GRM5: variants seen among roughly 807,000 people sequenced by gnomAD.
GRM5 encodes glutamate metabotropic receptor 5, also known as metabotropic glutamate receptor 5.
In GRM5, 19 loss-of-function variants were observed where a neutral mutation model predicts 83.1. The observed-to-expected ratio is 0.23, with a 90% CI of 0.16 to 0.34. The LOEUF (loss-of-function observed/expected upper bound fraction) is 0.34. Among genes scored for constraint, GRM5 ranks in the 10% least tolerant of loss-of-function variants. The pLI is 1.00. For synonymous variants in GRM5, 675 were observed against 633.6 expected (o/e 1.07, Z -0.98); for missense variants, 1,160 against 1,588.3 (o/e 0.73, Z 4.58).
In GRM5 at chr11:88,567,667, G is replaced by T; in HGVS notation, c.2016C>A (p.Ile672=). The change falls in exon 8 of 10, where the codon ATC becomes ATA. Residue 672 remains isoleucine, a synonymous_variant. Transcript: ENST00000305447. This position sits in a 1 kb window ranked among gnomAD's most constrained non-coding sequence, Gnocchi z 7.3. ...AGATCTTCTTCTTGCTGCCAGCCAG[G>T]ATCCTTGCAATACGGTTGGTCTTTG... The part of the protein sequence containing the change: ...LVTKTNRIAR[I]LAGSKKKICT... 6.2e-7 allele frequency: 1 copy of T among 1,614,112 alleles called. No individual in the cohort carries two copies. The highest frequency in any genetic ancestry group is 8.5e-7 in the Non-Finnish European group (1 of 1,179,978).
chr11:88,772,341 T>C (rs1401961997), intron 3 of GRM5, among the ~76,000 whole-genome samples: 1 of 152,148 alleles, frequency 6.6e-6, no homozygotes, highest in Non-Finnish European at 1.5e-5. Flanking sequence ...CTTTGCCTCA[T>C]TGCAGACTTG....
At chr11:89,014,573 A>C (rs1266210253) in intron 2 of GRM5, among the ~76,000 whole-genome samples, 2 of 152,162 alleles carry the variant, frequency 1.3e-5, no homozygotes, top group African/African-American at 4.8e-5. Flanking sequence ...AATGGGTACA[A>C]AAACAAAATA....
chr11:88,912,274 A>G (rs1435242584), intron 2 of GRM5, among the ~76,000 whole-genome samples: 4 of 151,994 alleles, frequency 2.6e-5, no homozygotes, highest in African/African-American at 9.7e-5. Context: ...ACATTTTTCA[A>G]TTTACTGCCA....
At chr11:88,981,816 C>A (rs1239651297) in intron 2 of GRM5, among the ~76,000 whole-genome samples, 1 of 152,074 alleles carries the variant, frequency 6.6e-6, no homozygotes, top group East Asian at 1.9e-4. Context: ...AGAATAAGTC[C>A]TTATATCACA....
chr11:88,931,135 A>C (rs1937692441), intron 2 of GRM5, among the ~76,000 whole-genome samples: 1 of 151,992 alleles, frequency 6.6e-6, no homozygotes, highest in Non-Finnish European at 1.5e-5. Context: ...TTCAAATGAA[A>C]AGCTTAAAAC....
At chr11:88,616,493 A>AG (rs1157813632) in intron 4 of GRM5, among the ~76,000 whole-genome samples, 1 of 149,882 alleles carries the variant, frequency 6.7e-6, no homozygotes, top group Non-Finnish European at 1.5e-5. Context: ...CAGTGGAAAA[A>AG]GGGGGAAACA....
chr11:88,907,463 C>T (rs1945425079), intron 2 of GRM5, among the ~76,000 whole-genome samples: 1 of 152,166 alleles, frequency 6.6e-6, no homozygotes, highest in Admixed American at 6.6e-5. Flanking sequence ...GAAAATAGAA[C>T]AAAATGCTAT....
chr11:88,938,223 A>G (rs1319749852), intron 2 of GRM5, among the ~76,000 whole-genome samples: 1 of 151,754 alleles, frequency 6.6e-6, no homozygotes, highest in African/African-American at 2.4e-5. Flanking sequence ...GGAACCAAAT[A>G]TTTATAATGA....
At chr11:88,928,986 AG>A (rs1455792381) in intron 2 of GRM5, among the ~76,000 whole-genome samples, 1 of 151,632 alleles carries the variant, frequency 6.6e-6, no homozygotes, top group East Asian at 1.9e-4. Context: ...GCTGAATATG[AG>A]ATTTAGTTTT....
intron 3 of GRM5, among the ~76,000 whole-genome samples, chr11:88,796,889 CACACACACACGTGTGTGTGT>C (rs972909508): frequency 2.6e-5 from 3 of 114,086 alleles, no homozygotes; most frequent in African/African-American, 9.0e-5. Context: ...GGAAAGTACA[CACACACACACGTGTGTGTGT>C]GTGTGTGTGT....
intron 2 of GRM5, among the ~76,000 whole-genome samples, chr11:88,936,155 ACAG>A (rs1937885738): frequency 6.6e-6 from 1 of 151,880 alleles, no homozygotes; most frequent in African/African-American, 2.4e-5. Flanking sequence ...GTCTCAGCCA[ACAG>A]CAGCTATGTG....
At chr11:88,786,561 A>G (rs536875657) in intron 3 of GRM5, among the ~76,000 whole-genome samples, 74 of 152,198 alleles carry the variant, frequency 4.9e-4, no homozygotes, top group African/African-American at 1.7e-3. Context: ...AACATGTTCT[A>G]CTTCTGAGCT....
intron 2 of GRM5, among the ~76,000 whole-genome samples, chr11:88,939,213 A>G (rs1170341642): frequency 6.6e-6 from 1 of 151,802 alleles, no homozygotes; most frequent in African/African-American, 2.4e-5. Context: ...AAATTTCACC[A>G]CTGAAGGCCT....
intron 3 of GRM5, among the ~76,000 whole-genome samples, chr11:88,815,090 T>G (rs1345459505): frequency 6.6e-6 from 1 of 152,152 alleles, no homozygotes; most frequent in Non-Finnish European, 1.5e-5. Context: ...TAACTGAAAT[T>G]TATAGAATAT....
At chr11:88,639,888 T>G (rs979662531) in intron 4 of GRM5, among the ~76,000 whole-genome samples, 1 of 152,154 alleles carries the variant, frequency 6.6e-6, no homozygotes, top group African/African-American at 2.4e-5. Flanking sequence ...AGGGCTTTCT[T>G]CTGGGATCTC....
chr11:88,626,412 T>C (rs932670434), intron 4 of GRM5, among the ~76,000 whole-genome samples: 13 of 152,232 alleles, frequency 8.5e-5, no homozygotes, highest in African/African-American at 2.9e-4. Context: ...ACCTCTCCAC[T>C]GTGACTCATA....
At chr11:89,023,823 T>A (rs1317570576) in intron 2 of GRM5, among the ~76,000 whole-genome samples, 3 of 150,850 alleles carry the variant, frequency 2.0e-5, no homozygotes, top group Non-Finnish European at 2.9e-5. Flanking sequence ...GCACTCCAGC[T>A]TGGGCAACAG....
At chr11:88,813,632 T>C (rs1293886227) in intron 3 of GRM5, among the ~76,000 whole-genome samples, 2 of 152,120 alleles carry the variant, frequency 1.3e-5, no homozygotes, top group African/African-American at 2.4e-5. Flanking sequence ...AACAGTTTCA[T>C]GAGAAAGTGA....
chr11:88,756,393 C>T (rs770268810), intron 3 of GRM5, among the ~76,000 whole-genome samples: 4 of 152,064 alleles, frequency 2.6e-5, no homozygotes, highest in Non-Finnish European at 4.4e-5. Flanking sequence ...TCATTTTATA[C>T]ATCTGTGCTG....
Sources: allele counts gnomAD v4.1 joint callset (sites outside exome capture counted in the v4.1 genomes callset), GRCh38; gene constraint gnomAD v4.1.1; non-coding constraint Gnocchi (gnomAD v3.1); transcripts MANE v1.5; gene names NCBI Gene and HGNC (gene_info 2026-07-23, HGNC 2026-07-21).